SLC39A11: variants seen among roughly 807,000 people sequenced by gnomAD.
SLC39A11 encodes zinc transporter ZIP11.
A neutral mutation model predicts 36.1 loss-of-function variants in SLC39A11; 33 were observed. That is an observed-to-expected ratio of 0.91 (90% confidence interval 0.69 to 1.22). The LOEUF (loss-of-function observed/expected upper bound fraction) is 1.22. Among genes scored for constraint, SLC39A11 ranks in the 50% most tolerant of loss-of-function variants. SLC39A11 has a pLI of 0.00. For missense variants in SLC39A11, 432 were observed against 430.3 expected (o/e 1.00, Z -0.03); for synonymous variants, 166 against 170.3 (o/e 0.97, Z 0.20).
At chr17:72,974,905 C>T (rs2087733204) in intron 4 of SLC39A11, among the ~76,000 whole-genome samples, 2 of 152,176 alleles carry the variant, frequency 1.3e-5, no homozygotes, top group Admixed American at 1.3e-4. Flanking sequence ...CATTGTGTTA[C>T]AGTTGTCCAC....
chr17:72,895,983 T>G (rs1200687799), intron 5 of SLC39A11, among the ~76,000 whole-genome samples: 2 of 151,892 alleles, frequency 1.3e-5, no homozygotes, highest in Non-Finnish European at 2.9e-5. Context: ...AAGATTATTT[T>G]TAATCTTTTT....
chr17:72,838,710 T>C (rs1050003048), intron 6 of SLC39A11, among the ~76,000 whole-genome samples: 1 of 152,116 alleles, frequency 6.6e-6, no homozygotes, highest in East Asian at 1.9e-4. Flanking sequence ...AAGAGAGAGA[T>C]TGAGCGACAG....
At chr17:72,747,695 G>T (rs1372299671) in intron 6 of SLC39A11, among the ~76,000 whole-genome samples, 2 of 152,176 alleles carry the variant, frequency 1.3e-5, no homozygotes, top group Admixed American at 6.5e-5. Context: ...AGACTAGCTG[G>T]CTGATGATTT....
chr17:73,037,206 G>T (rs1045268260), intron 3 of SLC39A11, among the ~76,000 whole-genome samples: 1 of 152,186 alleles, frequency 6.6e-6, no homozygotes, highest in Non-Finnish European at 1.5e-5. Flanking sequence ...GCAGGTATTG[G>T]TGTGGACTGG....
intron 4 of SLC39A11, among the ~76,000 whole-genome samples, chr17:73,018,152 T>C (rs2058228490): frequency 6.6e-6 from 1 of 152,182 alleles, no homozygotes; most frequent in Non-Finnish European, 1.5e-5. Context: ...GAACCACCAG[T>C]AAATTATCTG....
chr17:72,769,767 T>A (rs1486228477), intron 6 of SLC39A11, among the ~76,000 whole-genome samples: 1 of 152,100 alleles, frequency 6.6e-6, no homozygotes, highest in Non-Finnish European at 1.5e-5. Flanking sequence ...ATGGTCTCAA[T>A]CTTTTGACCT....
intron 3 of SLC39A11, among the ~76,000 whole-genome samples, chr17:73,038,771 A>AGGAGGGAGGGAGGAG (rs1568169604): frequency 8.9e-5 from 4 of 44,896 alleles, no homozygotes; most frequent in African/African-American, 3.5e-4. Flanking sequence ...GGAGGGATGG[A>AGGAGGGAGGGAGGAG]GGAGGGAGGG....
chr17:72,706,948 T>C (rs1256107988), intron 7 of SLC39A11, among the ~76,000 whole-genome samples: 1 of 152,190 alleles, frequency 6.6e-6, no homozygotes, highest in Non-Finnish European at 1.5e-5. Flanking sequence ...GAACCACTGC[T>C]CTAGGGCCGG....
chr17:73,029,583 A>C (rs2058675595), intron 4 of SLC39A11, among the ~76,000 whole-genome samples: 3 of 151,336 alleles, frequency 2.0e-5, no homozygotes, highest in Admixed American at 2.0e-4. Context: ...ACGGCCACTC[A>C]ATCTTTTTTT....
intron 7 of SLC39A11, among the ~76,000 whole-genome samples, chr17:72,706,403 C>T (rs959518393): frequency 6.6e-6 from 1 of 152,144 alleles, no homozygotes. Flanking sequence ...TGATGGAATG[C>T]CTTCCTTCCC....
At chr17:72,851,205 C>T (rs1237777252) in intron 5 of SLC39A11, among the ~76,000 whole-genome samples, 2 of 152,142 alleles carry the variant, frequency 1.3e-5, no homozygotes, top group Non-Finnish European at 2.9e-5. Context: ...TTTAAAAATG[C>T]CTTTACAAAT....
At chr17:72,955,967 G>A (rs576733981) in intron 4 of SLC39A11, among the ~76,000 whole-genome samples, 2 of 152,080 alleles carry the variant, frequency 1.3e-5, no homozygotes, top group East Asian at 2.0e-4. Flanking sequence ...TCAGCCCTGC[G>A]ACCACATGAG....
chr17:73,037,430 C>A (rs930695721), intron 3 of SLC39A11, among the ~76,000 whole-genome samples: 11 of 152,206 alleles, frequency 7.2e-5, no homozygotes, highest in African/African-American at 2.4e-4. Flanking sequence ...ATCTGATTAC[C>A]TCTCAACTAT....
intron 7 of SLC39A11, among the ~76,000 whole-genome samples, chr17:72,667,948 A>C (rs1180429237): frequency 6.6e-6 from 1 of 151,988 alleles, no homozygotes; most frequent in Non-Finnish European, 1.5e-5. Context: ...AGGTCTGCTG[A>C]CTCCAGAGCT....
At chr17:73,082,856 C>CA (rs11329811) in intron 3 of SLC39A11, among the ~76,000 whole-genome samples, 3 of 150,444 alleles carry the variant, frequency 2.0e-5, no homozygotes, top group East Asian at 3.9e-4. Context: ...ACTAAAACCA[C>CA]AAAAAAAAAA....
chr17:72,909,196 C>A (rs772025623), intron 5 of SLC39A11, among the ~76,000 whole-genome samples: 9 of 152,172 alleles, frequency 5.9e-5, no homozygotes, highest in Non-Finnish European at 1.0e-4. Flanking sequence ...CCTCAACCTC[C>A]TGGGCTCAAG....
intron 3 of SLC39A11, among the ~76,000 whole-genome samples, chr17:73,055,950 A>G (rs889308287): frequency 7.2e-5 from 11 of 152,028 alleles, no homozygotes; most frequent in African/African-American, 2.7e-4. Flanking sequence ...GGGCTGCCTG[A>G]TTTTTGAATC....
chr17:72,928,712 T>C (rs2344989), intron 5 of SLC39A11, among the ~76,000 whole-genome samples: 15,478 of 152,184 alleles, frequency 0.1, 1,326 homozygotes, highest in African/African-American at 0.24. Context: ...TCCCTGGCCG[T>C]ACCTCAAGCA....
At chr17:72,782,702 A>C (rs999748610) in intron 6 of SLC39A11, among the ~76,000 whole-genome samples, 14 of 149,838 alleles carry the variant, frequency 9.3e-5, no homozygotes, top group Non-Finnish European at 1.6e-4. Context: ...AAAAAAAAAA[A>C]AAAAAAAAAA....
Sources: allele counts gnomAD v4.1 joint callset (sites outside exome capture counted in the v4.1 genomes callset), GRCh38; gene constraint gnomAD v4.1.1; transcripts MANE v1.5; gene names NCBI Gene and HGNC (gene_info 2026-07-23, HGNC 2026-07-21).